DOCK1: variants seen among roughly 807,000 people sequenced by gnomAD.
The protein encoded by DOCK1 is dedicator of cytokinesis protein 1.
In DOCK1, 138 loss-of-function variants were observed where a neutral mutation model predicts 262.7. That is an observed-to-expected ratio of 0.53 (90% CI 0.46 to 0.61). DOCK1 has a LOEUF of 0.61. DOCK1 is among the 20% of genes least tolerant of loss of function. DOCK1 has a pLI of 0.00. For missense variants in DOCK1, 1,908 were observed against 2,370.7 expected (o/e 0.80, Z 4.05); for synonymous variants, 866 against 867.4 (o/e 1.00, Z 0.03).
intron 29 of DOCK1, among the ~76,000 whole-genome samples, chr10:127,330,422 C>G (rs2720962): frequency 0.68 from 102,233 of 150,872 alleles, 36,158 homozygotes; most frequent in African/African-American, 0.9. Flanking sequence ...AAAAAAAAAA[C>G]AGGGAAATAA....
At chr10:127,023,542 C>T (rs374141448) in intron 14 of DOCK1, among the ~76,000 whole-genome samples, 27 of 124,344 alleles carry the variant, frequency 2.2e-4, no homozygotes, top group Middle Eastern at 4.3e-3. Context: ...TCCCTGTGGT[C>T]TTTTTTTTTT....
rs3078941 is a variant in DOCK1, at chr10:127,385,430, T to TA, written c.3927+531dup. On this transcript the variant is annotated intron_variant, in intron 38 of 51. Coordinates refer to ENST00000623213, the MANE Select transcript of DOCK1 (RefSeq NM_001290223.2). ...CTGATTAAGGTATGCAGTAACTATT[T>TA]AAAAAAAAAAGCTGTTTCAGTTTCA... is the stretch of plus-strand genomic sequence containing the variant. Among the ~76,000 whole-genome samples the TA allele has an allele frequency of 1.3e-3, 185 of 147,196 alleles. 1 individual carries two copies. The East Asian group carries it at 0.025, about 20-fold the overall frequency.
chr10:127,061,858 C>T (rs1014214256), intron 23 of DOCK1, 82 bp downstream of exon 23: 2 of 1,045,034 alleles, frequency 1.9e-6, no homozygotes, highest in Non-Finnish European at 1.3e-6. Flanking sequence ...ATTTTGATTA[C>T]AGTTAATTAA....
rs375061932 is a variant in DOCK1, at chr10:127,312,556, G to A, written c.3045-26450G>A. 3.3e-5 allele frequency among the ~76,000 whole-genome samples: 5 copies of A among 152,282 alleles called. No individual in the cohort carries two copies. In the South Asian group the frequency reaches 1.0e-3, roughly 32 times the overall value. Reference sequence around the variant, plus strand: ...ATGCAGCATTTTAGGTTGGTGACTGGTGTGCACTGGGCCAAGGGTCCACTC... The same window carrying A: ...ATGCAGCATTTTAGGTTGGTGACTGATGTGCACTGGGCCAAGGGTCCACTC... On this transcript the variant is annotated intron_variant, in intron 29 of 51. Coordinates refer to ENST00000623213, the MANE Select transcript of DOCK1 (RefSeq NM_001290223.2).
At chr10:127,196,747 AGCTGCCGCCGGCTGCCGCCG>A (rs566357511) in intron 27 of DOCK1, among the ~76,000 whole-genome samples, 7 of 151,224 alleles carry the variant, frequency 4.6e-5, no homozygotes, top group Non-Finnish European at 8.9e-5. Flanking sequence ...AGGTGGAAGG[AGCTGCCGCCGGCTGCCGCCG>A]GCTGCCGCCT....
At chr10:127,149,565 G>T (rs2052276181) in intron 27 of DOCK1, among the ~76,000 whole-genome samples, 1 of 152,160 alleles carries the variant, frequency 6.6e-6, no homozygotes, top group African/African-American at 2.4e-5. Flanking sequence ...CCTGGGCCAG[G>T]CATTACTGGA....
intron 47 of DOCK1, 92 bp downstream of exon 47, chr10:127,426,103 A>C (rs778505383): frequency 4.1e-5 from 64 of 1,572,862 alleles, no homozygotes; most frequent in Non-Finnish European, 5.3e-5. Context: ...AGAGGAACTC[A>C]CATGTACACA....
At chr10:127,298,601 G>T (rs1185356652) in intron 29 of DOCK1, among the ~76,000 whole-genome samples, 1 of 152,160 alleles carries the variant, frequency 6.6e-6, no homozygotes, top group Non-Finnish European at 1.5e-5. Context: ...CGTGACTGAG[G>T]TTGCTGTCTG....
At chr10:127,363,123 G>A (rs961347741) in intron 33 of DOCK1, among the ~76,000 whole-genome samples, 10 of 132,974 alleles carry the variant, frequency 7.5e-5, no homozygotes, top group Admixed American at 4.8e-4. Context: ...TTTCTCCTTA[G>A]TGTACTAATG....
At chr10:127,237,396 A>G (rs1350745978) in intron 27 of DOCK1, among the ~76,000 whole-genome samples, 1 of 151,932 alleles carries the variant, frequency 6.6e-6, no homozygotes, top group African/African-American at 2.4e-5. Context: ...AGTATTATAA[A>G]CTAATGAAAA....
chr10:127,379,201 A>T (rs910565854), intron 35 of DOCK1, among the ~76,000 whole-genome samples: 11 of 152,216 alleles, frequency 7.2e-5, no homozygotes, highest in African/African-American at 2.7e-4. Flanking sequence ...TGTGAAAAAG[A>T]TTTTAAAGTG....
chr10:127,426,087 C>G, intron 47 of DOCK1, 76 bp downstream of exon 47: 1 of 1,598,802 alleles, frequency 6.3e-7, no homozygotes, highest in South Asian at 1.1e-5. Flanking sequence ...GACAAGCTTC[C>G]AGAGCAGAGG....
chr10:127,161,059 G>A (rs2053551890), intron 27 of DOCK1, among the ~76,000 whole-genome samples: 2 of 152,180 alleles, frequency 1.3e-5, no homozygotes, highest in Admixed American at 1.3e-4. Context: ...TCCCTCCTAT[G>A]TTTGAGAGCC....
chr10:127,103,043 C>T (rs2136197391), intron 23 of DOCK1, among the ~76,000 whole-genome samples: 1 of 152,230 alleles, frequency 6.6e-6, no homozygotes, highest in African/African-American at 2.4e-5. Flanking sequence ...AAAATTGAGT[C>T]ACATGGGATG....
chr10:127,229,847 T>TC (rs1428418660), intron 27 of DOCK1, among the ~76,000 whole-genome samples: 2 of 152,204 alleles, frequency 1.3e-5, no homozygotes, highest in Non-Finnish European at 2.9e-5. Flanking sequence ...TACACTCCCA[T>TC]CCACAGCACA....
At chr10:127,067,301 C>T (rs2045934540) in intron 23 of DOCK1, among the ~76,000 whole-genome samples, 1 of 152,178 alleles carries the variant, frequency 6.6e-6, no homozygotes, top group African/African-American at 2.4e-5. Context: ...GCAGTCAGTT[C>T]TTACAGGCAT....
intron 1 of DOCK1, among the ~76,000 whole-genome samples, chr10:126,929,258 A>G (rs1292007971): frequency 1.3e-5 from 2 of 152,106 alleles, no homozygotes; most frequent in African/African-American, 4.8e-5. Flanking sequence ...AATTTTTGGA[A>G]TTTACCTCAC....
At chr10:127,250,643 T>G (rs1262629009) in intron 28 of DOCK1, among the ~76,000 whole-genome samples, 1 of 151,514 alleles carries the variant, frequency 6.6e-6, no homozygotes, top group East Asian at 2.0e-4. Context: ...ATATAAAAAT[T>G]AGCCAGGCAT....
intron 27 of DOCK1, among the ~76,000 whole-genome samples, chr10:127,167,627 G>C (rs2054195920): frequency 6.6e-6 from 1 of 151,806 alleles, no homozygotes; most frequent in South Asian, 2.1e-4. Flanking sequence ...CCTCTCATTT[G>C]GACCATGTTC....
Sources: allele counts gnomAD v4.1 joint callset (sites outside exome capture counted in the v4.1 genomes callset), GRCh38; gene constraint gnomAD v4.1.1; transcripts MANE v1.5; gene names NCBI Gene and HGNC (gene_info 2026-07-23, HGNC 2026-07-21).